RGS7: variants seen among roughly 807,000 people sequenced by gnomAD.
RGS7 encodes regulator of G protein signaling 7, also known as regulator of G-protein signaling 7.
In RGS7, 27 loss-of-function variants were observed where a neutral mutation model predicts 81.1. The ratio of observed to expected loss-of-function variants is 0.33; its 90% confidence interval spans 0.25 to 0.46. The LOEUF (loss-of-function observed/expected upper bound fraction) is 0.46, where lower values mean the gene tolerates loss of function less well. Ranked by LOEUF, RGS7 falls within the 20% of genes least tolerant of loss-of-function variation. The pLI is 1.00. For missense variants in RGS7, 396 were observed against 607.4 expected, an observed-to-expected ratio of 0.65 and a Z score of 3.66; for synonymous variants, 208 against 207.7, an observed-to-expected ratio of 1.00 and a Z score of -0.01.
intron 4 of RGS7, among the ~76,000 whole-genome samples, chr1:240,948,529 C>A (rs1679027504): frequency 6.6e-6 from 1 of 151,882 alleles, no homozygotes. Context: ...TTGCAACCAC[C>A]CCTCCCTGGT....
rs796312761 is a variant in RGS7, at chr1:241,235,916, G to GAA, written c.78+119782_78+119783insTT. On this transcript the variant is annotated intron_variant, in intron 2 of 18. Coordinates refer to ENST00000440928, the MANE Select transcript of RGS7 (RefSeq NM_001364886.1). ...CCCCTAGGAGATGCACTTTGAGAGAGAGAGAGAGAGAGAGAGAAAGACAGA... is the reference window on the plus strand; with the variant it reads ...CCCCTAGGAGATGCACTTTGAGAGAGAAAGAGAGAGAGAGAGAGAAAGACAGA... Among the ~76,000 whole-genome samples the GAA allele has an allele frequency of 7.6e-3, 1,111 of 146,724 alleles. 25 individuals are homozygous for GAA. Among genetic ancestry groups the GAA allele is most frequent in the African/African-American group, 0.025 (1,034 of 40,848 alleles).
At chr1:241,166,943 C>A (rs989488966) in intron 2 of RGS7, among the ~76,000 whole-genome samples, 3 of 152,102 alleles carry the variant, frequency 2.0e-5, no homozygotes, top group Non-Finnish European at 4.4e-5. Flanking sequence ...TATTCTTGAC[C>A]AGTAAAATGT....
Position 240,930,844 on chromosome 1 carries a change from T to A in RGS7, c.334-76A>T, listed in dbSNP as rs1675321031. On this transcript the variant is annotated intron_variant, in intron 5 of 18. Coordinates refer to ENST00000440928, the MANE Select transcript of RGS7 (RefSeq NM_001364886.1). Reference sequence around the variant, plus strand: ...GGAGTTTCTGGCCAGTGAATTACATTTATCTTCCACAATTCTCTATATTAG... The same window carrying A: ...GGAGTTTCTGGCCAGTGAATTACATATATCTTCCACAATTCTCTATATTAG... 4.5e-6 allele frequency: 6 copies of A among 1,321,868 alleles called. No individual in the cohort carries two copies. The South Asian group carries it at 7.0e-5, about 16-fold the overall frequency. 81.9% of individuals were successfully genotyped at this position (1,321,868 alleles called of 1,614,324 possible).
intron 6 of RGS7, among the ~76,000 whole-genome samples, chr1:240,928,195 A>T (rs954756034): frequency 2.0e-5 from 3 of 152,192 alleles, no homozygotes; most frequent in Non-Finnish European, 4.4e-5. Flanking sequence ...CTGGGTCTGG[A>T]AGGTTGTAGT....
intron 3 of RGS7, 138 bp downstream of exon 3, chr1:241,098,528 T>C: frequency 5.7e-6 from 4 of 702,014 alleles, no homozygotes; most frequent in Non-Finnish European, 1.0e-5. Context: ...ACATGATAAA[T>C]ATACCACAGG....
At chr1:241,281,000 G>C (rs1216913137) in intron 2 of RGS7, among the ~76,000 whole-genome samples, 1 of 152,014 alleles carries the variant, frequency 6.6e-6, no homozygotes, top group Non-Finnish European at 1.5e-5. Flanking sequence ...GTTTGTTAGA[G>C]ATCTGTGACA....
At chr1:240,947,510 T>C (rs530026655) in intron 4 of RGS7, among the ~76,000 whole-genome samples, 14 of 152,276 alleles carry the variant, frequency 9.2e-5, no homozygotes. Context: ...GCTTGGATCG[T>C]CTGATGTCTT....
At chr1:240,853,989 C>T (rs1660627884) in intron 9 of RGS7, among the ~76,000 whole-genome samples, 1 of 131,138 alleles carries the variant, frequency 7.6e-6, no homozygotes, top group Non-Finnish European at 1.6e-5. Context: ...ACGAAACATA[C>T]AAAAAACATT....
intron 3 of RGS7, among the ~76,000 whole-genome samples, chr1:241,097,616 CCTT>C (rs1198853888): frequency 2.0e-5 from 3 of 152,222 alleles, no homozygotes; most frequent in East Asian, 3.9e-4. Context: ...GCATCAGCCG[CCTT>C]CTTCTCCCTC....
At chr1:241,057,516 C>T (rs960242407) in intron 3 of RGS7, among the ~76,000 whole-genome samples, 1 of 152,124 alleles carries the variant, frequency 6.6e-6, no homozygotes, top group Non-Finnish European at 1.5e-5. Context: ...ATAAATAATA[C>T]ACATTTTAAG....
At chr1:241,354,423 T>A (rs1470954325) in intron 2 of RGS7, among the ~76,000 whole-genome samples, 1 of 152,188 alleles carries the variant, frequency 6.6e-6, no homozygotes, top group Non-Finnish European at 1.5e-5. Flanking sequence ...TCATACTGTT[T>A]TATCTCAGAC....
chr1:241,226,248 G>C (rs10926434), intron 2 of RGS7, among the ~76,000 whole-genome samples: 1 of 152,088 alleles, frequency 6.6e-6, no homozygotes. Context: ...TAAAATGTCC[G>C]CGGGAATATT....
intron 2 of RGS7, among the ~76,000 whole-genome samples, chr1:241,158,147 C>A (rs2069335338): frequency 6.6e-6 from 1 of 152,116 alleles, no homozygotes; most frequent in Admixed American, 6.6e-5. Context: ...TAGGACACAG[C>A]CATGCTAATT....
intron 2 of RGS7, among the ~76,000 whole-genome samples, chr1:241,152,106 C>T (rs112011556): frequency 0.017 from 2,043 of 119,998 alleles, 32 homozygotes; most frequent in African/African-American, 0.061. Context: ...AAAAAGAGGA[C>T]AAAATAAGCC....
At chr1:240,897,697 A>T (rs1669322597) in intron 6 of RGS7, among the ~76,000 whole-genome samples, 1 of 152,168 alleles carries the variant, frequency 6.6e-6, no homozygotes, top group Non-Finnish European at 1.5e-5. Flanking sequence ...TATTTTATTG[A>T]GGATTTTTGC....
At chr1:241,287,622 G>T (rs1249425134) in intron 2 of RGS7, among the ~76,000 whole-genome samples, 1 of 152,038 alleles carries the variant, frequency 6.6e-6, no homozygotes, top group East Asian at 1.9e-4. Context: ...ACTTTTCCCG[G>T]TTTTATTTTT....
rs191551397 is a variant in RGS7 at position 241,024,695 on chromosome 1, T to C, written c.176-41566A>G. Among the ~76,000 whole-genome samples, 306 of 152,172 alleles carry C rather than the reference T, an allele frequency of 2.0e-3. 1 individual carries two copies. Among genetic ancestry groups the C allele is most frequent in the African/African-American group, 6.5e-3 (268 of 41,514 alleles). The stretch of plus-strand genomic sequence containing the variant: ...GGTTAGTCACAGAAACTAACAAACA[T>C]AGGGAGAACAAAGGAAATTGTGGAG... On this transcript the variant is annotated intron_variant, in intron 3 of 18. Coordinates refer to ENST00000440928, the MANE Select transcript of RGS7 (RefSeq NM_001364886.1).
At position 241,154,133 on chromosome 1, in the gene RGS7, G is replaced by A. The variant is rs116896524; in HGVS notation, c.79-55371C>T. ...AGTGGTGAAGTTAGACAGGAAGCAA[G>A]TAGTACGTATATAAAGTATTTTCAG... On this transcript the variant is annotated intron_variant, in intron 2 of 18. Transcript: ENST00000440928. Among the ~76,000 whole-genome samples the A allele has an allele frequency of 1.1e-3, 163 of 152,302 alleles. 1 individual carries two copies. The East Asian group carries it at 0.026, about 24-fold the overall frequency.
chr1:240,988,474 T>A (rs1443095439), intron 3 of RGS7, among the ~76,000 whole-genome samples: 1 of 152,128 alleles, frequency 6.6e-6, no homozygotes, highest in African/African-American at 2.4e-5. Context: ...GTTTGAGAAA[T>A]GAAGTGATTT....
Sources: allele counts gnomAD v4.1 joint callset (sites outside exome capture counted in the v4.1 genomes callset), GRCh38; gene constraint gnomAD v4.1.1; transcripts MANE v1.5; gene names NCBI Gene and HGNC (gene_info 2026-07-23, HGNC 2026-07-21).